The following GLP2R variants were observed in gnomAD, a reference collection of about 807,000 sequenced individuals.
GLP2R encodes glucagon-like peptide 2 receptor.
GLP2R carries 59 observed loss-of-function variants against 68.2 expected under a neutral mutation model. The ratio of observed to expected loss-of-function variants is 0.87; its 90% CI spans 0.70 to 1.07. GLP2R has a LOEUF of 1.07. GLP2R is among the 50% of genes least tolerant of loss of function. The pLI, the probability that GLP2R is intolerant of heterozygous loss-of-function variation, is 0.00. For missense variants in GLP2R, 548 were observed against 677.4 expected (o/e 0.81, Z 2.12); for synonymous variants, 270 against 265.4 (o/e 1.02, Z -0.17).
intron 11 of GLP2R, among the ~76,000 whole-genome samples, chr17:9,887,210 G>A (rs1449912463): frequency 6.6e-6 from 1 of 151,666 alleles, no homozygotes; most frequent in African/African-American, 2.4e-5. Flanking sequence ...GGGCCAAAAG[G>A]AAAGGATGCA....
Position 9,890,313 on chromosome 17 carries a change from T to C in GLP2R, c.*608T>C, listed in dbSNP as rs1326994665. The C allele has an allele frequency of 3.1e-6, 1 of 318,144 alleles. No individual in the cohort carries two copies. The highest frequency in any genetic ancestry group is 2.2e-5 in the African/African-American group (1 of 45,650). 19.7% of individuals were successfully genotyped at this position (318,144 alleles called of 1,614,324 possible). On this transcript the variant is annotated 3_prime_UTR_variant, in exon 13 of 13. Coordinates refer to ENST00000262441, the MANE Select transcript of GLP2R (RefSeq NM_004246.3). ...TGGCAGGATGCTGCAAGAGACAGTCTGCTCTCCCAGGTCAGCTGGGGTGTG... is the reference window on the plus strand; with the variant it reads ...TGGCAGGATGCTGCAAGAGACAGTCCGCTCTCCCAGGTCAGCTGGGGTGTG...
intron 5 of GLP2R, 95 bp from the exon 6 acceptor site, chr17:9,857,328 T>G (rs2066942968): frequency 5.6e-6 from 6 of 1,075,024 alleles, no homozygotes; most frequent in Non-Finnish European, 8.4e-6. Context: ...TGACCCTCTG[T>G]CTTTAGTGAT....
At chr17:9,832,103 A>G (rs1311920266) in intron 1 of GLP2R, among the ~76,000 whole-genome samples, 1 of 152,160 alleles carries the variant, frequency 6.6e-6, no homozygotes, top group Non-Finnish European at 1.5e-5. Context: ...CCTGGCCCAC[A>G]ATAGGTGCCT....
At position 9,854,521 on chromosome 17, in the gene GLP2R, C is replaced by A; in HGVS notation, c.531C>A (p.Thr177=). 1 of 1,610,932 alleles carries A rather than the reference C, an allele frequency of 6.2e-7. No homozygotes were observed. The highest frequency in any genetic ancestry group is 8.5e-7 in the Non-Finnish European group (1 of 1,177,030). The stretch of plus-strand genomic sequence containing the variant: ...TGGATCGTTATGCCTTGCTGTCAAC[C>A]TTGCAGCTGATGTACACCGTGGGAT... ...QNVDRYALLS[T]LQLMYTVGYS... The change falls in exon 5 of 13, where the codon ACC becomes ACA. Residue 177 remains threonine (T), a synonymous_variant. Transcript: ENST00000262441.
chr17:9,829,488 C>G (rs1295756393), intron 1 of GLP2R, among the ~76,000 whole-genome samples: 2 of 152,110 alleles, frequency 1.3e-5, no homozygotes, highest in Non-Finnish European at 2.9e-5. Flanking sequence ...TCATTTACGT[C>G]AGCAAACATC....
At position 9,836,488 on chromosome 17, in the gene GLP2R, A is replaced by C. The variant is rs753386956; in HGVS notation, c.382+13A>C. 9.4e-6 allele frequency: 14 copies of C among 1,482,712 alleles called. No homozygotes were observed. The Admixed American group carries it at 2.2e-4, about 23-fold the overall frequency. The allele number at this position is 1,482,712 out of a possible 1,614,324, so 91.8% of individuals were successfully genotyped here. A position where few individuals can be genotyped will look rare whatever the true frequency, so the allele number is the denominator to read the frequency against. ...TGGTGGAGTGAAGGTAATAAGTCTT[A>C]TTTTTACCAATTTTCCCCAACCAAG... On this transcript the variant is annotated intron_variant, in intron 3 of 12. Transcript: ENST00000262441.
In GLP2R at chr17:9,850,054, G is replaced by A. The variant is rs368381795; in HGVS notation, c.505-4441G>A. On this transcript the variant is annotated intron_variant, in intron 4 of 12. Coordinates refer to ENST00000262441, the MANE Select transcript of GLP2R (RefSeq NM_004246.3). The stretch of plus-strand genomic sequence containing the variant: ...TAAAGGCAGGTGCATATATAATTTT[G>A]TTAGACATTGCCATCGGGGTTATAC... Among the ~76,000 whole-genome samples the A allele has an allele frequency of 5.1e-4, 78 of 152,300 alleles. No individual in the cohort carries two copies. The East Asian group carries it at 5.2e-3, about 10-fold the overall frequency.
intron 9 of GLP2R, among the ~76,000 whole-genome samples, chr17:9,862,388 C>T (rs2066994995): frequency 6.6e-6 from 1 of 152,174 alleles, no homozygotes; most frequent in Non-Finnish European, 1.5e-5. Flanking sequence ...CTGAGGATAC[C>T]AATGCCTTTA....
At chr17:9,845,585 A>G (rs1203587434) in intron 4 of GLP2R, among the ~76,000 whole-genome samples, 1 of 152,092 alleles carries the variant, frequency 6.6e-6, no homozygotes, top group Non-Finnish European at 1.5e-5. Flanking sequence ...TTTTCTTTTC[A>G]GACTATCTTC....
At chr17:9,888,117 C>A in intron 12 of GLP2R, 144 bp downstream of exon 12, 1 of 765,538 alleles carries the variant, frequency 1.3e-6, no homozygotes, top group South Asian at 1.4e-5. Context: ...GTATTGTGAG[C>A]TTCCGGTACA....
intron 4 of GLP2R, chr17:9,852,758 C>T (rs1305789375): frequency 3.9e-6 from 1 of 253,452 alleles, no homozygotes; most frequent in East Asian, 9.5e-5. Context: ...TTCTCCACTG[C>T]TGCTTTTTCT....
intron 8 of GLP2R, among the ~76,000 whole-genome samples, chr17:9,861,662 A>T (rs553343938): frequency 6.6e-6 from 1 of 152,324 alleles, no homozygotes; most frequent in East Asian, 1.9e-4. Flanking sequence ...AGCCTGTTTT[A>T]AGCCTATTGC....
chr17:9,879,254 T>TATAAA (rs1160570734), intron 10 of GLP2R, among the ~76,000 whole-genome samples: 33 of 114,704 alleles, frequency 2.9e-4, no homozygotes, highest in Non-Finnish European at 4.3e-4. Context: ...ATCCCCTCTC[T>TATAAA]ATAAAATAAA....
intron 4 of GLP2R, among the ~76,000 whole-genome samples, chr17:9,851,201 C>T (rs1037987242): frequency 3.3e-5 from 5 of 152,308 alleles, no homozygotes; most frequent in African/African-American, 1.2e-4. Context: ...GTGTTAGCCT[C>T]ATATCTCCAA....
At chr17:9,862,197 G>C (rs12150273) in intron 9 of GLP2R, 107 bp downstream of exon 9, 151,934 of 790,240 alleles carry the variant, frequency 0.19, 17,510 homozygotes, top group Non-Finnish European at 0.24. Flanking sequence ...CCTTGAGAGA[G>C]AGAAGCTGAA....
chr17:9,834,331 C>T (rs9913339), intron 2 of GLP2R, among the ~76,000 whole-genome samples: 7,104 of 152,170 alleles, frequency 0.047, 436 homozygotes, highest in African/African-American at 0.13. Context: ...TTGATAAAAG[C>T]CATCTGCCAT....
rs146776689 is a variant in GLP2R at position 9,860,234 on chromosome 17, G to A, written c.925+133G>A. The A allele has an allele frequency of 3.8e-5, 30 of 798,270 alleles. No homozygotes were observed. In the African/African-American group the frequency reaches 5.0e-4, roughly 13 times the overall value. The allele number at this position is 798,270 out of a possible 1,614,324, so 49.4% of individuals were successfully genotyped here. ...ACATATAAGTCCTCAAAGACAGGGA[G>A]CTTTGAAGAGGGGTATGTGTGTGCA... On this transcript the variant is annotated intron_variant, in intron 7 of 12. Transcript: ENST00000262441.
rs920376781 is a variant in GLP2R, at chr17:9,836,420, T to G, written c.327T>G (p.Ser109=). Residue 109 remains serine (S), a synonymous_variant, in exon 3 of 13, where the codon TCT becomes TCG. Coordinates refer to ENST00000262441, the MANE Select transcript of GLP2R (RefSeq NM_004246.3). The part of the protein sequence containing the change: ...TFDQYVCWPH[S]SPGNVSVPCP... ...ATCAGTACGTGTGTTGGCCTCATTC[T>G]TCTCCTGGAAATGTCTCTGTACCCT... 1.1e-5 allele frequency: 18 copies of G among 1,612,738 alleles called. No homozygotes were observed. Among genetic ancestry groups the G allele is most frequent in the Non-Finnish European group, 1.5e-5 (18 of 1,178,662 alleles).
chr17:9,842,563 G>A lies in GLP2R; in HGVS notation c.451G>A (p.Asp151Asn), dbSNP rs761024597. ...TTGGCAGACGATAGAGAACGCCACG[G>A]ATATTTGGCAGGATGACTCCGAATG... ...GTWQTIENAT[D>N]IWQDDSECSE... Residue 151 changes from aspartate (D) to asparagine (N), a missense_variant, in exon 4 of 13, where the codon GAT (aspartate) becomes AAT (asparagine). Asp to Asn is a conservative substitution (Grantham distance 23). Transcript: ENST00000262441. The A allele has an allele frequency of 1.6e-5, 26 of 1,614,080 alleles. No individual in the cohort carries two copies. The South Asian group carries it at 2.4e-4, about 15-fold the overall frequency.
Sources: allele counts gnomAD v4.1 joint callset (sites outside exome capture counted in the v4.1 genomes callset), GRCh38; gene constraint gnomAD v4.1.1; transcripts MANE v1.5; gene names NCBI Gene and HGNC (gene_info 2026-07-23, HGNC 2026-07-21).